The following GRIP1 variants were observed in gnomAD, a reference collection of about 807,000 sequenced individuals.
GRIP1 encodes glutamate receptor-interacting protein 1.
A neutral mutation model predicts 129.9 loss-of-function variants in GRIP1; 45 were observed. That is an observed-to-expected ratio of 0.35 (90% confidence interval 0.27 to 0.44). The LOEUF (loss-of-function observed/expected upper bound fraction) is 0.44, where lower values mean the gene tolerates loss of function less well. Among genes scored for constraint, GRIP1 ranks in the 20% least tolerant of loss-of-function variants. The pLI, the probability that GRIP1 is intolerant of heterozygous loss-of-function variation, is 1.00. For missense variants in GRIP1, 1,196 were observed against 1,396.8 expected (o/e 0.86, Z 2.29); for synonymous variants, 530 against 520.8 (o/e 1.02, Z -0.24).
At chr12:66,494,345 T>C (rs1221185268) in intron 7 of GRIP1, among the ~76,000 whole-genome samples, 1 of 152,252 alleles carries the variant, frequency 6.6e-6, no homozygotes, top group Non-Finnish European at 1.5e-5. Context: ...AATTCAAAAA[T>C]CTTACATTTA....
intron 1 of GRIP1, among the ~76,000 whole-genome samples, chr12:66,638,575 T>C (rs902902638): frequency 2.6e-5 from 4 of 152,200 alleles, no homozygotes; most frequent in African/African-American, 4.8e-5. Context: ...GCCAGGCTCC[T>C]TGATTCTTTC....
intron 1 of GRIP1, among the ~76,000 whole-genome samples, chr12:66,616,017 T>C (rs375916172): frequency 3.5e-4 from 54 of 152,312 alleles, no homozygotes; most frequent in African/African-American, 1.3e-3. Context: ...GACAATTAAA[T>C]GATACATATC....
intron 1 of GRIP1, among the ~76,000 whole-genome samples, chr12:66,599,892 G>A (rs2064203680): frequency 1.3e-5 from 2 of 152,202 alleles, no homozygotes; most frequent in South Asian, 4.1e-4. Context: ...TATGTTCTTA[G>A]TCCCATGTTC....
At chr12:66,671,791 C>T (rs1287367551) in intron 1 of GRIP1, among the ~76,000 whole-genome samples, 1 of 152,180 alleles carries the variant, frequency 6.6e-6, no homozygotes, top group Non-Finnish European at 1.5e-5. Context: ...CTTAAGAAAG[C>T]CTTGGGGAAA....
chr12:66,352,388 A>C (rs1206600304), intron 24 of GRIP1, among the ~76,000 whole-genome samples: 2 of 152,222 alleles, frequency 1.3e-5, no homozygotes, highest in African/African-American at 4.8e-5. Flanking sequence ...TGCAAAGGCC[A>C]GGAGGTGGCA....
At chr12:66,589,143 G>C (rs2063754322) in intron 2 of GRIP1, among the ~76,000 whole-genome samples, 1 of 151,402 alleles carries the variant, frequency 6.6e-6, no homozygotes, top group South Asian at 2.1e-4. Flanking sequence ...TTGGTACTTA[G>C]CATGAAATAC....
intron 1 of GRIP1, among the ~76,000 whole-genome samples, chr12:66,982,629 T>G (rs1273860098): frequency 6.6e-6 from 1 of 152,160 alleles, no homozygotes; most frequent in Non-Finnish European, 1.5e-5. Flanking sequence ...CAGCTTTCAG[T>G]CCAACAACGC....
intron 1 of GRIP1, among the ~76,000 whole-genome samples, chr12:66,842,119 A>T (rs2039729719): frequency 6.6e-6 from 1 of 152,116 alleles, no homozygotes; most frequent in South Asian, 2.1e-4. Context: ...AAAAACTAAA[A>T]GTATATGCCC....
chr12:66,465,877 G>A (rs2059272973), intron 7 of GRIP1, among the ~76,000 whole-genome samples: 1 of 152,050 alleles, frequency 6.6e-6, no homozygotes, highest in Non-Finnish European at 1.5e-5. Context: ...AGGAAGGAAA[G>A]AAGAAAGAAA....
chr12:66,565,773 C>A (rs1395122686), intron 2 of GRIP1, among the ~76,000 whole-genome samples: 2 of 152,082 alleles, frequency 1.3e-5, no homozygotes, highest in Non-Finnish European at 2.9e-5. Context: ...AATGTTTTTC[C>A]ATTTGTTTGT....
chr12:66,694,423 G>T (rs2035083646), intron 1 of GRIP1, among the ~76,000 whole-genome samples: 1 of 152,140 alleles, frequency 6.6e-6, no homozygotes, highest in African/African-American at 2.4e-5. Context: ...TCCCCAAGGA[G>T]ATTTCATCCT....
chr12:67,007,665 C>T (rs1172304013), intron 1 of GRIP1, among the ~76,000 whole-genome samples: 1 of 152,128 alleles, frequency 6.6e-6, no homozygotes, highest in Non-Finnish European at 1.5e-5. Context: ...TTACTATTAT[C>T]AGTCATATGT....
Position 67,058,124 on chromosome 12 carries a change from CGGAA to C in GRIP1, c.58+10922_58+10925del, listed in dbSNP as rs148686132. On this transcript the variant is annotated intron_variant, in intron 1 of 1. Coordinates refer to the GRIP1 transcript ENST00000643019. ...AAATATCAGACATCAGAAGATATGA[CGGAA>C]GGAAACCATTCACAGATTATATACC... Among the ~76,000 whole-genome samples, 73 of 152,230 alleles carry C rather than the reference CGGAA, an allele frequency of 4.8e-4. 1 individual carries two copies. The highest frequency in any genetic ancestry group is 1.7e-3 in the African/African-American group (72 of 41,534).
intron 19 of GRIP1, among the ~76,000 whole-genome samples, chr12:66,390,878 G>A (rs1183135940): frequency 6.6e-6 from 1 of 152,130 alleles, no homozygotes. Flanking sequence ...CTTGTCACAA[G>A]GTATTATGAC....
intron 19 of GRIP1, 142 bp from the exon 20 acceptor site, chr12:66,379,578 A>C (rs1451179357): frequency 4.6e-6 from 4 of 861,628 alleles, no homozygotes; most frequent in Non-Finnish European, 7.8e-6. Context: ...CTTATTGTGC[A>C]CCAAAGACTT....
chr12:66,463,080 G>A lies in GRIP1; in HGVS notation c.886C>T (p.His296Tyr). Residue 296 changes from histidine (H) to tyrosine (Y), a missense_variant, in exon 9 of 25, where the codon CAT (histidine) becomes TAT (tyrosine). Coordinates refer to ENST00000359742, the MANE Select transcript of GRIP1 (RefSeq NM_001366722.1). ...ASIADRCGAL[H>Y]VGDHILSIDG... The stretch of plus-strand genomic sequence containing the variant: ...ATGGAGAGGATGTGATCTCCCACAT[G>A]CAATGCGCCACATCTACGGAAAGGA... 6.2e-7 allele frequency: 1 copy of A among 1,613,802 alleles called. No homozygotes were observed.
intron 1 of GRIP1, among the ~76,000 whole-genome samples, chr12:66,898,600 G>A (rs190835369): frequency 5.8e-4 from 89 of 152,202 alleles, no homozygotes; most frequent in African/African-American, 2.1e-3. Context: ...TTATCATGAA[G>A]AGCCTATGCC....
intron 23 of GRIP1, among the ~76,000 whole-genome samples, chr12:66,359,615 A>T (rs561561219): frequency 2.6e-4 from 40 of 152,348 alleles, no homozygotes; most frequent in African/African-American, 8.7e-4. Context: ...TCAGGATGAG[A>T]GGCTAATAAA....
At chr12:66,469,932 C>T (rs1342017723) in intron 7 of GRIP1, among the ~76,000 whole-genome samples, 1 of 152,306 alleles carries the variant, frequency 6.6e-6, no homozygotes, top group East Asian at 1.9e-4. Flanking sequence ...GTGATGGGTT[C>T]ACGCTGCCCT....
Sources: gnomAD v4.1 joint callset for allele counts (sites outside exome capture counted in the v4.1 genomes callset) on GRCh38, gnomAD v4.1.1 for gene constraint, MANE v1.5 for transcripts, NCBI Gene and HGNC (gene_info 2026-07-23, HGNC 2026-07-21) for gene names.